The following TRDN variants were observed in gnomAD, a reference collection of about 807,000 sequenced individuals.
The protein encoded by TRDN is triadin.
A neutral mutation model predicts 149.7 loss-of-function variants in TRDN; 161 were observed. The ratio of observed to expected loss-of-function variants is 1.08; its 90% CI spans 0.95 to 1.23. TRDN has a LOEUF of 1.23. TRDN is among the 50% of genes most tolerant of loss of function. The pLI is 0.00. For missense variants in TRDN, 896 were observed against 823.5 expected (o/e 1.09, Z -1.08); for synonymous variants, 294 against 250.5 (o/e 1.17, Z -1.64).
intron 1 of TRDN, among the ~76,000 whole-genome samples, chr6:123,596,375 G>A (rs1784038079): frequency 6.6e-6 from 1 of 152,062 alleles, no homozygotes; most frequent in South Asian, 2.1e-4. Flanking sequence ...TAAGATAGAA[G>A]TGCAAGGTGA....
chr6:123,528,694 C>T (rs1780068086), intron 5 of TRDN: 2 of 987,344 alleles, frequency 2.0e-6, no homozygotes, highest in African/African-American at 3.5e-5. Flanking sequence ...TAAAGCAAAA[C>T]ATTTATTTTC....
rs1319275152 is a variant in TRDN at position 123,388,540 on chromosome 6, T to G, written c.1117A>C (p.Lys373Gln). 6.3e-7 allele frequency: 1 copy of G among 1,586,406 alleles called. No individual in the cohort carries two copies. The highest frequency in any genetic ancestry group is 1.3e-5 in the African/African-American group (1 of 74,648). ...VKIAAQAAAK[K>Q]DEKKEDSKKT... ...AACATACCTTCCTTCTTTTCATCCT[T>G]CTTAGCTGCTGCTGAAGTAATGAAA... is the stretch of plus-strand genomic sequence containing the variant. The change falls in exon 14 of 41, where the codon AAG becomes CAG. Residue 373 changes from lysine (K) to glutamine (Q), a missense_variant. Lys to Gln is a moderately conservative substitution (Grantham distance 53). Transcript: ENST00000334268.
intron 14 of TRDN, 140 bp downstream of exon 14, chr6:123,388,382 G>T: frequency 1.1e-6 from 1 of 912,856 alleles, no homozygotes. Context: ...AGTAGAAAAA[G>T]CACATTCATG....
intron 24 of TRDN, among the ~76,000 whole-genome samples, chr6:123,313,503 G>C (rs1383854238): frequency 2.6e-5 from 4 of 151,784 alleles, no homozygotes; most frequent in African/African-American, 9.7e-5. Flanking sequence ...TCTTTTAAAA[G>C]TCTGGCCTCC....
At chr6:123,509,447 T>C (rs1779072567) in intron 7 of TRDN, 1 of 152,118 alleles carries the variant, frequency 6.6e-6, no homozygotes, top group East Asian at 1.9e-4. Context: ...TCTCAATAGG[T>C]TTAATGAAGC....
chr6:123,420,891 G>C (rs1003762275), intron 12 of TRDN, among the ~76,000 whole-genome samples: 1 of 152,158 alleles, frequency 6.6e-6, no homozygotes, highest in Non-Finnish European at 1.5e-5. Flanking sequence ...AATGGTTTTT[G>C]GGTTCCCCAA....
chr6:123,596,321 A>G lies in TRDN; in HGVS notation c.23-25189T>C, dbSNP rs1299753013. On this transcript the variant is annotated intron_variant, in intron 1 of 40. Transcript: ENST00000334268. ...AGCTGCAGAAGAAAAGTTGGAAGGT[A>G]GCAGAGGTTGGTTTATGAGATTTAG... 2.6e-5 allele frequency among the ~76,000 whole-genome samples: 4 copies of G among 152,072 alleles called. No individual in the cohort carries two copies. The South Asian group carries it at 8.3e-4, about 31-fold the overall frequency.
chr6:123,388,431 G>C (rs1267552638), intron 14 of TRDN, 91 bp downstream of exon 14: 1 of 1,389,968 alleles, frequency 7.2e-7, no homozygotes, highest in East Asian at 2.5e-5. Flanking sequence ...TATCCAAGGG[G>C]AATATAGACA....
At chr6:123,352,644 C>CA (rs1402214025) in intron 20 of TRDN, 58 bp from the exon 21 acceptor site, 24 of 1,549,358 alleles carry the variant, frequency 1.5e-5, no homozygotes, top group Non-Finnish European at 2.0e-5. Flanking sequence ...TGCTTCTGCT[C>CA]AAAAAAAGCA....
intron 2 of TRDN, among the ~76,000 whole-genome samples, chr6:123,558,134 T>C (rs1781781168): frequency 6.6e-6 from 1 of 151,918 alleles, no homozygotes; most frequent in Non-Finnish European, 1.5e-5. Flanking sequence ...TACACATCGG[T>C]CCCTCCCTAG....
chr6:123,340,827 A>C (rs1264191626), intron 21 of TRDN, among the ~76,000 whole-genome samples: 1 of 152,018 alleles, frequency 6.6e-6, no homozygotes, highest in Non-Finnish European at 1.5e-5. Flanking sequence ...GTAACTTATA[A>C]CGCACATCAT....
chr6:123,316,302 T>G (rs1220150988), intron 24 of TRDN, among the ~76,000 whole-genome samples, 155 bp downstream of exon 24: 1 of 151,918 alleles, frequency 6.6e-6, no homozygotes, highest in Non-Finnish European at 1.5e-5. Flanking sequence ...TATTGCTTAT[T>G]ACTTGTAAAA....
intron 19 of TRDN, among the ~76,000 whole-genome samples, chr6:123,375,162 T>G (rs985168058): frequency 1.3e-5 from 2 of 152,106 alleles, no homozygotes; most frequent in Admixed American, 1.3e-4. Context: ...ATAGAAACCT[T>G]AAAAGGGAAT....
At chr6:123,515,916 G>A (rs1027734074) in intron 6 of TRDN, among the ~76,000 whole-genome samples, 2 of 152,046 alleles carry the variant, frequency 1.3e-5, no homozygotes, top group Non-Finnish European at 2.9e-5. Flanking sequence ...AAAAACTGAC[G>A]CAACATTTCT....
intron 21 of TRDN, among the ~76,000 whole-genome samples, 173 bp from the exon 22 acceptor site, chr6:123,337,842 G>T (rs1000673245): frequency 6.6e-6 from 1 of 152,046 alleles, no homozygotes; most frequent in Non-Finnish European, 1.5e-5. Context: ...GACTAAATAT[G>T]TAAACAATAG....
chr6:123,365,106 C>G (rs1781040811), intron 20 of TRDN, among the ~76,000 whole-genome samples: 1 of 152,062 alleles, frequency 6.6e-6, no homozygotes, highest in Non-Finnish European at 1.5e-5. Context: ...AAAGAAATGA[C>G]TAGGAAATAG....
At chr6:123,219,027 C>T (rs1426208312) in intron 40 of TRDN, among the ~76,000 whole-genome samples, 2 of 151,802 alleles carry the variant, frequency 1.3e-5, no homozygotes, top group Non-Finnish European at 2.9e-5. Flanking sequence ...ATAAAAATGG[C>T]CTGGCAGAGA....
intron 38 of TRDN, among the ~76,000 whole-genome samples, chr6:123,225,301 C>A (rs1276685081): frequency 6.6e-6 from 1 of 151,524 alleles, no homozygotes; most frequent in Non-Finnish European, 1.5e-5. Context: ...ATTGGTATTG[C>A]CATTATAGAA....
chr6:123,490,219 C>T (rs1198932834), intron 9 of TRDN, among the ~76,000 whole-genome samples: 5 of 152,106 alleles, frequency 3.3e-5, no homozygotes, highest in Admixed American at 3.3e-4. Flanking sequence ...TCCCTCTTAT[C>T]CATAAAAAAT....
Sources: gnomAD v4.1 joint callset for allele counts (sites outside exome capture counted in the v4.1 genomes callset) on GRCh38, gnomAD v4.1.1 for gene constraint, MANE v1.5 for transcripts, NCBI Gene and HGNC (gene_info 2026-07-23, HGNC 2026-07-21) for gene names.